TTC28: variants seen among roughly 807,000 people sequenced by gnomAD.
TTC28 encodes tetratricopeptide repeat domain 28, also known as tetratricopeptide repeat protein 28.
A neutral mutation model predicts 198.0 loss-of-function variants in TTC28; 61 were observed. That is an observed-to-expected ratio of 0.31 (90% confidence interval 0.25 to 0.38). The LOEUF is 0.38. Among genes scored for constraint, TTC28 ranks in the 10% least tolerant of loss-of-function variants. The pLI, the probability that TTC28 is intolerant of heterozygous loss-of-function variation, is 1.00. For missense variants in TTC28, 2,678 were observed against 3,164.0 expected (o/e 0.85, Z 3.69); for synonymous variants, 1,171 against 1,297.8 (o/e 0.90, Z 2.10).
chr22:28,383,585 C>G (rs1374572228), intron 2 of TTC28, among the ~76,000 whole-genome samples: 5 of 152,208 alleles, frequency 3.3e-5, no homozygotes, highest in African/African-American at 1.2e-4. Flanking sequence ...ATGGCAATTT[C>G]AATCTACCAG....
At chr22:28,176,033 C>T (rs546698293) in intron 5 of TTC28, among the ~76,000 whole-genome samples, 2 of 152,094 alleles carry the variant, frequency 1.3e-5, no homozygotes, top group African/African-American at 2.4e-5. Flanking sequence ...ATAGAACTAC[C>T]ATATGATTCT....
At chr22:28,297,090 T>C (rs2044913073) in intron 4 of TTC28, among the ~76,000 whole-genome samples, 1 of 152,192 alleles carries the variant, frequency 6.6e-6, no homozygotes, top group African/African-American at 2.4e-5. Flanking sequence ...GGGCAATGAG[T>C]ATGTTATTCC....
chr22:28,096,783 T>C (rs951388531), intron 10 of TTC28, among the ~76,000 whole-genome samples: 1 of 151,872 alleles, frequency 6.6e-6, no homozygotes, highest in Non-Finnish European at 1.5e-5. Flanking sequence ...ACCAGGTTTA[T>C]TGGTGTCACT....
At chr22:28,402,091 A>G (rs1228347994) in intron 2 of TTC28, among the ~76,000 whole-genome samples, 2 of 152,238 alleles carry the variant, frequency 1.3e-5, no homozygotes, top group African/African-American at 4.8e-5. Context: ...CTATCAGTAA[A>G]GGCTGATGCA....
intron 2 of TTC28, among the ~76,000 whole-genome samples, chr22:28,328,614 C>A (rs758909824): frequency 6.6e-6 from 1 of 151,312 alleles, no homozygotes; most frequent in Non-Finnish European, 1.5e-5. Flanking sequence ...ATTAGCCAGG[C>A]GTGGTAGCAG....
chr22:28,239,983 G>A (rs1929550986), intron 5 of TTC28, among the ~76,000 whole-genome samples: 2 of 152,284 alleles, frequency 1.3e-5, no homozygotes, highest in South Asian at 4.1e-4. Context: ...TGTTTGTTGT[G>A]GGAGCTGTCC....
intron 2 of TTC28, among the ~76,000 whole-genome samples, chr22:28,497,138 C>A (rs923702003): frequency 2.0e-5 from 3 of 152,098 alleles, no homozygotes. Flanking sequence ...CAGAACTTAT[C>A]GACATCTAAT....
chr22:28,024,277 G>A (rs533296738), intron 13 of TTC28, among the ~76,000 whole-genome samples: 1 of 152,306 alleles, frequency 6.6e-6, no homozygotes, highest in East Asian at 1.9e-4. Context: ...ATCCAAGATG[G>A]ATTTGTGAAA....
chr22:28,139,306 G>C (rs1427085495), intron 6 of TTC28, among the ~76,000 whole-genome samples: 2 of 152,200 alleles, frequency 1.3e-5, no homozygotes, highest in Admixed American at 6.5e-5. Flanking sequence ...AACACAGTTT[G>C]TAAGAAAGTA....
At chr22:28,299,778 G>T (rs1330966388) in intron 3 of TTC28, among the ~76,000 whole-genome samples, 1 of 152,206 alleles carries the variant, frequency 6.6e-6, no homozygotes, top group Admixed American at 6.5e-5. Context: ...CTTATCCCAA[G>T]TTGGAAAGCT....
In TTC28 at chr22:28,548,545, T is replaced by C. The variant is rs566537115; in HGVS notation, c.381+81007A>G. Among the ~76,000 whole-genome samples, 4 of 152,286 alleles carry C rather than the reference T, an allele frequency of 2.6e-5. No homozygotes were observed. The East Asian group carries it at 7.7e-4, about 29-fold the overall frequency. On this transcript the variant is annotated intron_variant, in intron 2 of 22. Coordinates refer to ENST00000397906, the MANE Select transcript of TTC28 (RefSeq NM_001145418.2). The stretch of plus-strand genomic sequence containing the variant: ...TCACAAAGGGCAGCTTTACTGACAT[T>C]AACAGCACCATTTCTTACTACCTAT...
rs542824516 is a variant in TTC28 at position 28,003,649 on chromosome 22, C to T, written c.4219-2096G>A. On this transcript the variant is annotated intron_variant, in intron 14 of 22. Coordinates refer to ENST00000397906, the MANE Select transcript of TTC28 (RefSeq NM_001145418.2). ...CATGACAGCACCTAACTGTGTGAAC[C>T]GGAGGGAAGCTTGGCAAGCTGAAAA... Among the ~76,000 whole-genome samples, 8 of 152,278 alleles carry T rather than the reference C, an allele frequency of 5.3e-5. No homozygotes were observed. In the South Asian group the frequency reaches 8.3e-4, roughly 16 times the overall value.
rs1044875967 is a variant in TTC28, at chr22:28,641,278, C to T, written c.103-11448G>A. On this transcript the variant is annotated intron_variant, in intron 1 of 22. Transcript: ENST00000397906. ...AGTGGAAGTTGCAGTGAGCCGAGAT[C>T]GCACCACTACACTCCAGCCTGGCGA... 4.0e-5 allele frequency among the ~76,000 whole-genome samples: 6 copies of T among 151,668 alleles called. No homozygotes were observed. In the East Asian group the frequency reaches 9.7e-4, roughly 24 times the overall value.
In TTC28 at chr22:28,107,888, C is replaced by G; in HGVS notation, c.1957G>C (p.Ala653Pro). 6.4e-7 allele frequency: 1 copy of G among 1,551,770 alleles called. No homozygotes were observed. Among genetic ancestry groups the G allele is most frequent in the Non-Finnish European group, 8.7e-7 (1 of 1,147,000 alleles). ...AGATCCTGTTCGTAGTACTTCACTG[C>G]CTCCTGATAGTTTCCAAGGCAGTAA... ...AHYCLGNYQE[A>P]VKYYEQDLAL... is the part of the protein sequence containing the mutation. The change falls in exon 7 of 23, where the codon GCA (alanine) becomes CCA (proline). Residue 653 changes from alanine to proline, a missense_variant. Ala to Pro is a conservative substitution (Grantham distance 27). Coordinates refer to ENST00000397906, the MANE Select transcript of TTC28 (RefSeq NM_001145418.2).
chr22:28,168,651 C>T (rs987772779), intron 5 of TTC28, among the ~76,000 whole-genome samples: 7 of 151,832 alleles, frequency 4.6e-5, no homozygotes, highest in East Asian at 3.8e-4. Flanking sequence ...CCCTTCCTTA[C>T]ACCTTATACA....
chr22:28,485,431 A>C (rs890880670), intron 2 of TTC28, among the ~76,000 whole-genome samples: 1 of 152,164 alleles, frequency 6.6e-6, no homozygotes, highest in African/African-American at 2.4e-5. Flanking sequence ...GTATTTGCCT[A>C]ATTCCTACTT....
chr22:28,389,242 G>C (rs1466139282), intron 2 of TTC28, among the ~76,000 whole-genome samples: 5 of 152,166 alleles, frequency 3.3e-5, no homozygotes, highest in Non-Finnish European at 7.4e-5. Flanking sequence ...GATTCGGTTT[G>C]CCAGTATTTT....
chr22:28,619,478 C>T (rs937443326), intron 2 of TTC28, among the ~76,000 whole-genome samples: 3 of 152,178 alleles, frequency 2.0e-5, no homozygotes, highest in African/African-American at 7.2e-5. Context: ...AATTAAATAA[C>T]ACCAGTCCCC....
At chr22:27,996,587 G>A (rs1937556218) in intron 16 of TTC28, among the ~76,000 whole-genome samples, 1 of 152,200 alleles carries the variant, frequency 6.6e-6, no homozygotes, top group African/African-American at 2.4e-5. Context: ...TAGGCCTTTA[G>A]GGGGGAACAC....
Sources: gnomAD v4.1 joint callset for allele counts (sites outside exome capture counted in the v4.1 genomes callset) on GRCh38, gnomAD v4.1.1 for gene constraint, MANE v1.5 for transcripts, NCBI Gene and HGNC (gene_info 2026-07-23, HGNC 2026-07-21) for gene names.